The following DNAAF9 variants were observed in gnomAD, a reference collection of about 807,000 sequenced individuals.
DNAAF9 encodes dynein axonemal assembly factor 9, also known as shulin.
A neutral mutation model predicts 167.0 loss-of-function variants in DNAAF9; 90 were observed. The ratio of observed to expected loss-of-function variants is 0.54; its 90% CI spans 0.45 to 0.64. DNAAF9 has a LOEUF of 0.64. Among genes scored for constraint, DNAAF9 ranks in the 30% least tolerant of loss-of-function variants. DNAAF9 has a pLI of 0.00. For synonymous variants in DNAAF9, 491 were observed against 508.8 expected (o/e 0.96, Z 0.47); for missense variants, 1,315 against 1,442.2 (o/e 0.91, Z 1.43).
In DNAAF9 at chr20:3,350,140, G is replaced by GACACACACACACAC. The variant is rs1491384105; in HGVS notation, c.691-1518_691-1517insGTGTGTGTGTGTGT. On this transcript the variant is annotated intron_variant, in intron 7 of 36. Coordinates refer to ENST00000252032, the MANE Select transcript of DNAAF9 (RefSeq NM_001009984.3). ...AGACTATCAGACACACAGACACACA[G>GACACACACACACAC]ACACACAGACACACAGACACACACA... Among the ~76,000 whole-genome samples the GACACACACACACAC allele has an allele frequency of 1.3e-3, 149 of 115,742 alleles. 1 individual carries two copies. Among genetic ancestry groups the GACACACACACACAC allele is most frequent in the Non-Finnish European group, 2.0e-3 (104 of 51,220 alleles). 75.9% of individuals were successfully genotyped at this position (115,742 alleles called of 152,430 possible).
chr20:3,311,078 C>T (rs2069406149), intron 20 of DNAAF9, among the ~76,000 whole-genome samples: 1 of 152,148 alleles, frequency 6.6e-6, no homozygotes, highest in South Asian at 2.1e-4. Flanking sequence ...CCCATGTGGA[C>T]CAAGAGACAT....
intron 26 of DNAAF9, among the ~76,000 whole-genome samples, chr20:3,289,805 C>T (rs2122902155): frequency 6.6e-6 from 1 of 152,278 alleles, no homozygotes; most frequent in South Asian, 2.1e-4. Flanking sequence ...AGACACTGCA[C>T]CTGGCCCCTT....
rs1029112916 is a variant in DNAAF9 at position 3,249,897 on chromosome 20, G to T, written c.*2675C>A. 6.6e-6 allele frequency: 1 copy of T among 151,778 alleles called. No homozygotes were observed. Among genetic ancestry groups the T allele is most frequent in the Admixed American group, 6.6e-5 (1 of 15,260 alleles). 9.4% of individuals were successfully genotyped at this position (151,778 alleles called of 1,614,324 possible). A position where few individuals can be genotyped will look rare whatever the true frequency, so the allele number is the denominator to read the frequency against. The stretch of plus-strand genomic sequence containing the variant: ...ATAGCCCCCAGGGCTCAGAGGGGCC[G>T]GCTCAACTCCTTGCCAACGGCCCTT... On this transcript the variant is annotated 3_prime_UTR_variant, in exon 37 of 37. Coordinates refer to ENST00000252032, the MANE Select transcript of DNAAF9 (RefSeq NM_001009984.3).
At chr20:3,374,896 T>C in intron 5 of DNAAF9, 134 bp downstream of exon 5, 1 of 632,282 alleles carries the variant, frequency 1.6e-6, no homozygotes, top group Non-Finnish European at 2.8e-6. Flanking sequence ...CATACTTAAT[T>C]CTGCTTGATG....
At chr20:3,274,005 C>T (rs2068636508) in intron 29 of DNAAF9, among the ~76,000 whole-genome samples, 1 of 152,014 alleles carries the variant, frequency 6.6e-6, no homozygotes, top group African/African-American at 2.4e-5. Context: ...TCCTTCAAAT[C>T]TTTCTTAACA....
intron 25 of DNAAF9, among the ~76,000 whole-genome samples, chr20:3,291,767 C>T (rs1364353705): frequency 2.0e-5 from 3 of 152,156 alleles, no homozygotes; most frequent in Admixed American, 6.5e-5. Flanking sequence ...GAGAAGACGG[C>T]CGTAAATCCC....
chr20:3,311,307 AT>A (rs11476401), intron 20 of DNAAF9, among the ~76,000 whole-genome samples: 38,982 of 148,394 alleles, frequency 0.26, 5,205 homozygotes, highest in East Asian at 0.38. Flanking sequence ...TGCCTGGCTA[AT>A]TTTTTTTTTT....
chr20:3,382,459 T>G lies in DNAAF9; in HGVS notation c.131A>C (p.Lys44Thr), dbSNP rs370304826. ...QVQSILTQSS[K>T]SRPDGILCIL... is the part of the protein sequence containing the mutation. ...GCAGAGGATCCCATCCGGCCGAGAC[T>G]TGCTGCTCTGGGTCAGGATGCTCTG... The change falls in exon 2 of 37, where the codon AAG becomes ACG. Residue 44 changes from lysine to threonine, a missense_variant. Physicochemically the swap from Lys to Thr is moderately conservative, Grantham distance 78 (BLOSUM62 -1). Around this residue, in one of 2 missense-constraint regions of DNAAF9, gnomAD observed 981 missense variants for 1,012.5 expected, o/e 0.97. Coordinates refer to ENST00000252032, the MANE Select transcript of DNAAF9 (RefSeq NM_001009984.3). 1.2e-6 allele frequency: 2 copies of G among 1,613,836 alleles called. No homozygotes were observed. Among genetic ancestry groups the G allele is most frequent in the African/African-American group, 2.7e-5 (2 of 74,904 alleles).
intron 6 of DNAAF9, chr20:3,359,887 T>C (rs1052182547): frequency 3.8e-5 from 8 of 208,680 alleles, no homozygotes; most frequent in Non-Finnish European, 6.6e-5. Context: ...TTTTTGCCTT[T>C]GTTTTAAATA....
chr20:3,288,642 A>C (rs1450182885), intron 26 of DNAAF9, among the ~76,000 whole-genome samples: 1 of 152,166 alleles, frequency 6.6e-6, no homozygotes, highest in Non-Finnish European at 1.5e-5. Context: ...ATGCAATTTC[A>C]GGCTTCCAAA....
intron 12 of DNAAF9, among the ~76,000 whole-genome samples, chr20:3,328,477 G>A (rs2069758057): frequency 1.3e-5 from 2 of 152,194 alleles, no homozygotes; most frequent in Non-Finnish European, 2.9e-5. Flanking sequence ...ATAAGCCACT[G>A]CACCCGGCCT....
intron 7 of DNAAF9, among the ~76,000 whole-genome samples, chr20:3,353,647 C>T (rs1408355516): frequency 3.5e-5 from 4 of 115,402 alleles, no homozygotes; most frequent in African/African-American, 1.3e-4. Flanking sequence ...CCCCCCCCCC[C>T]GCAAAAAAAA....
intron 1 of DNAAF9, among the ~76,000 whole-genome samples, chr20:3,392,174 G>T (rs891419836): frequency 3.3e-5 from 5 of 151,972 alleles, no homozygotes; most frequent in Non-Finnish European, 7.4e-5. Context: ...TCTACAAAAA[G>T]AAAAAGAAAT....
rs779318442 is a variant in DNAAF9, at chr20:3,316,725, G to C, written c.1537C>G (p.Leu513Val). 6.2e-7 allele frequency: 1 copy of C among 1,611,470 alleles called. No individual in the cohort carries two copies. Among genetic ancestry groups the C allele is most frequent in the African/African-American group, 1.3e-5 (1 of 74,772 alleles). ...TCCACCTGATGAATGACACTAACCA[G>C]CCAGGAGCAGAATCTGGGTACAGCA... ...TAAVPRFCSW[L>V]VEDNEVKLSE... Residue 513 changes from leucine (L) to valine (V), a missense_variant and splice_region_variant, in exon 18 of 37, where the codon CTG (leucine) becomes GTG (valine). Leu to Val is a conservative substitution (Grantham distance 32). This residue lies in a region of DNAAF9 where 981 missense variants were observed against 1,012.5 expected (regional missense o/e 0.97). Coordinates refer to ENST00000252032, the MANE Select transcript of DNAAF9 (RefSeq NM_001009984.3).
chr20:3,361,286 T>C (rs1373200280), intron 6 of DNAAF9, among the ~76,000 whole-genome samples: 3 of 152,074 alleles, frequency 2.0e-5, no homozygotes, highest in African/African-American at 7.2e-5. Flanking sequence ...AGGGTTACAA[T>C]CTATGCTTTG....
intron 7 of DNAAF9, among the ~76,000 whole-genome samples, chr20:3,349,208 A>AAAAAAAAAAAC (rs2070262456): frequency 6.7e-6 from 1 of 149,888 alleles, no homozygotes; most frequent in African/African-American, 2.5e-5. Context: ...AAAAAACAAA[A>AAAAAAAAAAAC]AAAAAAAAAA....
intron 14 of DNAAF9, among the ~76,000 whole-genome samples, chr20:3,323,345 A>G (rs2422871): frequency 0.57 from 79,945 of 139,520 alleles, 22,850 homozygotes; most frequent in Admixed American, 0.6. Context: ...GCAGTGGCGC[A>G]ATCTCGACTC....
chr20:3,288,310 C>G (rs1232720339), intron 26 of DNAAF9, among the ~76,000 whole-genome samples: 1 of 152,168 alleles, frequency 6.6e-6, no homozygotes, highest in Non-Finnish European at 1.5e-5. Flanking sequence ...ATCAGTAGGG[C>G]TTGGTGGCGC....
chr20:3,290,344 C>CTG (rs2068929323), intron 25 of DNAAF9, 127 bp from the exon 26 acceptor site: 1 of 684,902 alleles, frequency 1.5e-6, no homozygotes, highest in Non-Finnish European at 2.6e-6. Context: ...CTCACTAACT[C>CTG]TGTGACCTTA....
Sources: allele counts gnomAD v4.1 joint callset (sites outside exome capture counted in the v4.1 genomes callset), GRCh38; gene constraint gnomAD v4.1.1; regional missense constraint gnomAD v4.1.1; transcripts MANE v1.5; gene names NCBI Gene and HGNC (gene_info 2026-07-23, HGNC 2026-07-21).